The following PRDM1 variants were observed in gnomAD, a reference collection of about 807,000 sequenced individuals.
The protein encoded by PRDM1 is PR/SET domain 1, also known as PR domain zinc finger protein 1.
In PRDM1, 13 loss-of-function variants were observed where a neutral mutation model predicts 62.8. The observed-to-expected ratio is 0.21, with a 90% CI of 0.13 to 0.33. The LOEUF is 0.33. Among genes scored for constraint, PRDM1 ranks in the 10% least tolerant of loss-of-function variants. PRDM1 has a pLI of 1.00. For missense variants in PRDM1, 895 were observed against 1,058.8 expected (o/e 0.85, Z 2.15); for synonymous variants, 396 against 417.6 (o/e 0.95, Z 0.63).
At chr6:106,062,361 G>A (rs1464915100) in intron 1 of PRDM1, among the ~76,000 whole-genome samples, 1 of 152,176 alleles carries the variant, frequency 6.6e-6, no homozygotes, top group African/African-American at 2.4e-5. Flanking sequence ...AAGAAAATGT[G>A]TAATCCCTTC....
chr6:106,062,169 A>G (rs1030553933), intron 1 of PRDM1, among the ~76,000 whole-genome samples: 5 of 152,204 alleles, frequency 3.3e-5, no homozygotes, highest in Admixed American at 1.3e-4. Context: ...ATATTTATAG[A>G]GGTTCTTGAT....
intron 1 of PRDM1, among the ~76,000 whole-genome samples, chr6:106,004,232 A>C (rs376929138): frequency 6.6e-6 from 1 of 152,040 alleles, no homozygotes. Flanking sequence ...GCTGGGGGGA[A>C]CTTCCCAGGT....
rs1333825159 is a variant in PRDM1, at chr6:106,066,092, G to A, written c.-67+17378G>A. Among the ~76,000 whole-genome samples the A allele has an allele frequency of 1.2e-3, 181 of 152,266 alleles. 1 individual carries two copies. The highest frequency in any genetic ancestry group is 2.9e-4 in the Non-Finnish European group (20 of 68,016). On this transcript the variant is annotated intron_variant, in intron 1 of 6. Coordinates refer to the PRDM1 transcript ENST00000651185. Reference sequence around the variant, plus strand: ...TTGGGAGGCCCTTGGAGAAACAGCCGCCCTGCCTAACCACCCATTGTCTAT... The same window carrying A: ...TTGGGAGGCCCTTGGAGAAACAGCCACCCTGCCTAACCACCCATTGTCTAT...
intron 1 of PRDM1, among the ~76,000 whole-genome samples, chr6:106,052,740 A>G (rs931403540): frequency 6.6e-6 from 1 of 152,130 alleles, no homozygotes; most frequent in Non-Finnish European, 1.5e-5. Context: ...TGGGAGGCCA[A>G]GGTAGATGGA....
intron 1 of PRDM1, among the ~76,000 whole-genome samples, chr6:106,067,764 T>C (rs1773455541): frequency 6.6e-6 from 1 of 152,144 alleles, no homozygotes; most frequent in Non-Finnish European, 1.5e-5. Flanking sequence ...AGTTTCTGTT[T>C]TGAGTGATGA....
At chr6:106,045,167 C>A (rs532334011), upstream of PRDM1, among the ~76,000 whole-genome samples, 1 of 152,280 alleles carries the variant, frequency 6.6e-6, no homozygotes, top group East Asian at 1.9e-4. Flanking sequence ...AATTCAGGAA[C>A]TATCCCAATA....
chr6:105,996,137 A>G (rs914874470), intron 1 of PRDM1, among the ~76,000 whole-genome samples: 1 of 152,224 alleles, frequency 6.6e-6, no homozygotes, highest in East Asian at 1.9e-4. Context: ...ATCAGATCAC[A>G]TAACTTTTCT....
chr6:106,050,339 A>G (rs1014948908), intron 1 of PRDM1, among the ~76,000 whole-genome samples: 1 of 152,224 alleles, frequency 6.6e-6, no homozygotes, highest in African/African-American at 2.4e-5. Context: ...CTACTATATT[A>G]TCTCTAAGGT....
upstream of PRDM1, among the ~76,000 whole-genome samples, chr6:106,048,345 C>T (rs959197949): frequency 1.3e-5 from 2 of 151,946 alleles, no homozygotes; most frequent in Non-Finnish European, 2.9e-5. Context: ...TGTGATCATG[C>T]TACTGCACTC....
upstream of PRDM1, among the ~76,000 whole-genome samples, chr6:106,082,125 T>C (rs1209802851): frequency 2.0e-5 from 3 of 152,208 alleles, no homozygotes; most frequent in Non-Finnish European, 4.4e-5. Context: ...AGTTTCAGAG[T>C]GGACACCTTT....
intron 3 of PRDM1, 78 bp from the exon 4 acceptor site, chr6:106,099,222 G>T: frequency 1.2e-6 from 2 of 1,603,630 alleles, no homozygotes; most frequent in Non-Finnish European, 1.7e-6. Flanking sequence ...ACACGGTACC[G>T]GCTGTGTTTA....
chr6:106,078,026 G>A (rs1198836066), intron 1 of PRDM1, among the ~76,000 whole-genome samples: 1 of 152,218 alleles, frequency 6.6e-6, no homozygotes, highest in Admixed American at 6.5e-5. Context: ...TGTTGCTCCA[G>A]ATAAATCTAC....
chr6:106,096,573 C>A (rs1774123575), intron 3 of PRDM1, among the ~76,000 whole-genome samples: 1 of 152,192 alleles, frequency 6.6e-6, no homozygotes, highest in African/African-American at 2.4e-5. Flanking sequence ...AAAATGATTC[C>A]ATTTGACAAT....
At chr6:106,076,010 G>A (rs964100425) in intron 1 of PRDM1, among the ~76,000 whole-genome samples, 1 of 151,060 alleles carries the variant, frequency 6.6e-6, no homozygotes, top group Non-Finnish European at 1.5e-5. Flanking sequence ...GGAGTGCAGT[G>A]GCACGATCTC....
At chr6:106,015,836 T>C (rs112378112) in intron 1 of PRDM1, among the ~76,000 whole-genome samples, 10 of 152,216 alleles carry the variant, frequency 6.6e-5, no homozygotes, top group African/African-American at 2.2e-4. Context: ...TAGTAAAATA[T>C]ACATGACAAA....
chr6:106,109,054 G>A lies in PRDM1; in HGVS notation c.*1568G>A, dbSNP rs1410197374. The A allele has an allele frequency of 5.5e-6, 1 of 181,780 alleles. No individual in the cohort carries two copies. Among genetic ancestry groups the A allele is most frequent in the African/African-American group, 2.6e-5 (1 of 38,558 alleles). 11.3% of individuals were successfully genotyped at this position (181,780 alleles called of 1,614,324 possible). A position where few individuals can be genotyped will look rare whatever the true frequency, so the allele number is the denominator to read the frequency against. On this transcript the variant is annotated 3_prime_UTR_variant, in exon 7 of 7. Transcript: ENST00000369096. ...ATATATTTATAACCACTTAAATTGT[G>A]AGCCAAGCCATGTAAAAGATCTACT... is the stretch of plus-strand genomic sequence containing the variant.
At chr6:106,049,982 C>T (rs1255382437) in intron 1 of PRDM1, among the ~76,000 whole-genome samples, 1 of 152,152 alleles carries the variant, frequency 6.6e-6, no homozygotes, top group East Asian at 1.9e-4. Flanking sequence ...TTTTAGTTCT[C>T]CTACAAATGC....
At chr6:106,006,512 C>G (rs1347982476) in intron 1 of PRDM1, among the ~76,000 whole-genome samples, 1 of 151,834 alleles carries the variant, frequency 6.6e-6, no homozygotes, top group Non-Finnish European at 1.5e-5. Flanking sequence ...TTTATCGTCT[C>G]CCTTTGTATG....
Position 106,099,331 on chromosome 6 carries a change from T to C in PRDM1, c.443T>C (p.Ile148Thr), listed in dbSNP as rs551233155. 13 of 1,614,144 alleles carry C rather than the reference T, an allele frequency of 8.1e-6. No homozygotes were observed. The highest frequency in any genetic ancestry group is 1.3e-5 in the African/African-American group (1 of 75,024). The change falls in exon 4 of 7, where the codon ATT becomes ACT. Residue 148 changes from isoleucine (I) to threonine (T), a missense_variant. Physicochemically the swap from Ile to Thr is moderately conservative, Grantham distance 89. Around this residue, in one of 4 missense-constraint regions of PRDM1, gnomAD observed 213 missense variants for 283.9 expected, o/e 0.75. Transcript: ENST00000369096. ...TCCAGAGGGGAGCTTCACCACTTCA[T>C]TGACGGCTTTAATGAAGAGAAAAGC... ...IYSRGELHHF[I>T]DGFNEEKSNW... is the part of the protein sequence containing the mutation.
Sources: allele counts gnomAD v4.1 joint callset (sites outside exome capture counted in the v4.1 genomes callset), GRCh38; gene constraint gnomAD v4.1.1; regional missense constraint gnomAD v4.1.1; transcripts MANE v1.5; gene names NCBI Gene and HGNC (gene_info 2026-07-23, HGNC 2026-07-21).